Variants in SPECC1L observed in about 807,000 individuals in gnomAD.
SPECC1L encodes the protein cytospin-A.
Under a neutral mutation model 116.8 loss-of-function variants are expected in SPECC1L, and 40 were observed. That is an observed-to-expected ratio of 0.34 (90% CI 0.27 to 0.45). The LOEUF (loss-of-function observed/expected upper bound fraction) is 0.45, where lower values mean the gene tolerates loss of function less well. SPECC1L is among the 20% of genes least tolerant of loss of function. The pLI is 1.00. For synonymous variants in SPECC1L, 504 were observed against 500.6 expected (o/e 1.01, Z -0.09); for missense variants, 1,110 against 1,373.6 (o/e 0.81, Z 3.03).
intron 14 of SPECC1L, among the ~76,000 whole-genome samples, chr22:24,410,220 G>C (rs1438802287): frequency 1.3e-5 from 2 of 152,176 alleles, no homozygotes; most frequent in South Asian, 2.1e-4. Context: ...TGTAATGGCT[G>C]TTCACAGGCA....
At chr22:24,308,464 G>T (rs1006750537) in intron 3 of SPECC1L, among the ~76,000 whole-genome samples, 2 of 152,192 alleles carry the variant, frequency 1.3e-5, no homozygotes, top group African/African-American at 4.8e-5. Context: ...CTTGTGATAA[G>T]ATTTGGGTTA....
At chr22:24,389,374 C>A (rs544891706) in intron 14 of SPECC1L, among the ~76,000 whole-genome samples, 348 of 152,222 alleles carry the variant, frequency 2.3e-3, no homozygotes, top group Non-Finnish European at 4.1e-3. Flanking sequence ...CTCAACCCCC[C>A]AAAGTGCTGA....
chr22:24,328,868 C>T lies in SPECC1L; in HGVS notation c.2169C>T (p.Asp723=). The T allele has an allele frequency of 6.8e-6, 11 of 1,613,500 alleles. No individual in the cohort carries two copies. Among genetic ancestry groups the T allele is most frequent in the Non-Finnish European group, 9.3e-6 (11 of 1,179,624 alleles). Residue 723 remains aspartate, a synonymous_variant, in exon 7 of 17, where the codon GAC becomes GAT. Coordinates refer to ENST00000314328, the MANE Select transcript of SPECC1L (RefSeq NM_015330.6). ...CAGATACAGTTAAAAAACTCCAGGA[C>T]CAAAAGCACGACATGGAAAGAGAAA... is the stretch of plus-strand genomic sequence containing the variant. ...DLENTVKKLQ[D]QKHDMEREIK...
chr22:24,381,610 C>T (rs768072711), intron 14 of SPECC1L, among the ~76,000 whole-genome samples: 3 of 151,994 alleles, frequency 2.0e-5, no homozygotes, highest in Admixed American at 6.6e-5. Context: ...ATTGCCGGGG[C>T]GTGGTGGCTC....
intron 11 of SPECC1L, among the ~76,000 whole-genome samples, chr22:24,362,878 G>T (rs145889162): frequency 0.011 from 1,646 of 152,262 alleles, 27 homozygotes; most frequent in African/African-American, 0.036. Context: ...ATATTAATGT[G>T]TGTAGCTTCC....
intron 2 of SPECC1L, among the ~76,000 whole-genome samples, chr22:24,299,031 C>G (rs1342739590): frequency 6.6e-6 from 1 of 152,182 alleles, no homozygotes; most frequent in African/African-American, 2.4e-5. Context: ...GCCAAAATGA[C>G]ATACCCAAAT....
At chr22:24,309,787 G>A (rs1233504833) in intron 3 of SPECC1L, among the ~76,000 whole-genome samples, 1 of 152,136 alleles carries the variant, frequency 6.6e-6, no homozygotes, top group African/African-American at 2.4e-5. Context: ...AAATACTTGG[G>A]TTGTGTTGTT....
intron 2 of SPECC1L, among the ~76,000 whole-genome samples, chr22:24,300,671 T>C (rs186338745): frequency 1.3e-5 from 2 of 152,222 alleles, no homozygotes; most frequent in African/African-American, 4.8e-5. Context: ...CAATTCTGAC[T>C]GGCATGAGAT....
intron 14 of SPECC1L, among the ~76,000 whole-genome samples, chr22:24,405,955 G>T (rs989996083): frequency 1.3e-5 from 2 of 152,174 alleles, no homozygotes; most frequent in Admixed American, 1.3e-4. Context: ...AGCCAGGGTA[G>T]TGTGCCCAGG....
At chr22:24,314,783 C>T (rs1401291377) in intron 4 of SPECC1L, among the ~76,000 whole-genome samples, 1 of 152,180 alleles carries the variant, frequency 6.6e-6, no homozygotes, top group African/African-American at 2.4e-5. Context: ...ACAAAACAAC[C>T]AAAATACAAG....
Position 24,322,034 on chromosome 22 carries a change from G to T in SPECC1L, c.1054G>T (p.Val352Phe). 6.2e-7 allele frequency: 1 copy of T among 1,614,176 alleles called. No homozygotes were observed. The highest frequency in any genetic ancestry group is 8.5e-7 in the Non-Finnish European group (1 of 1,180,032). ...CAATTTAGACAGTGAGTGCAGTGAG[G>T]TCTACCAGCCCCTCACATCGAGCGA... ...MDNLDSECSE[V>F]YQPLTSSDDA... Residue 352 changes from valine to phenylalanine, a missense_variant, in exon 5 of 17, where the codon GTC becomes TTC. By Grantham distance (50) the Val-to-Phe change is conservative. Around this residue, in one of 4 missense-constraint regions of SPECC1L, gnomAD observed 437 missense variants for 482.6 expected, o/e 0.91. Coordinates refer to ENST00000314328, the MANE Select transcript of SPECC1L (RefSeq NM_015330.6).
At chr22:24,312,989 T>C (rs1369870721) in intron 3 of SPECC1L, among the ~76,000 whole-genome samples, 2 of 152,372 alleles carry the variant, frequency 1.3e-5, no homozygotes, top group East Asian at 3.9e-4. Context: ...TGACACTTCC[T>C]GTGGCATTAT....
chr22:24,353,447 G>A (rs539559853), intron 11 of SPECC1L, among the ~76,000 whole-genome samples: 2 of 151,896 alleles, frequency 1.3e-5, no homozygotes, highest in African/African-American at 2.4e-5. Context: ...TTGTTTGTTT[G>A]TTTTGTTTTT....
intron 1 of SPECC1L, among the ~76,000 whole-genome samples, chr22:24,272,343 C>T (rs1462342551): frequency 6.6e-6 from 1 of 152,008 alleles, no homozygotes; most frequent in African/African-American, 2.4e-5. Flanking sequence ...CCAGCCTGGG[C>T]TACAGAGCGA....
intron 2 of SPECC1L, among the ~76,000 whole-genome samples, chr22:24,288,225 T>C (rs2049081794): frequency 6.6e-6 from 1 of 152,202 alleles, no homozygotes; most frequent in Non-Finnish European, 1.5e-5. Context: ...TTTCCCAGCC[T>C]TGACTGTATT....
chr22:24,332,545 T>C (rs1237351841), intron 8 of SPECC1L, among the ~76,000 whole-genome samples: 2 of 152,226 alleles, frequency 1.3e-5, no homozygotes, highest in African/African-American at 4.8e-5. Context: ...AAAAGGCCTA[T>C]TAAAATCTTC....
chr22:24,272,592 A>G (rs544043207), intron 1 of SPECC1L, among the ~76,000 whole-genome samples: 34 of 149,884 alleles, frequency 2.3e-4, no homozygotes, highest in African/African-American at 6.9e-4. Context: ...AGAATTGCTT[A>G]GGAGGCAGAG....
At chr22:24,402,684 G>A (rs1287636237) in intron 14 of SPECC1L, among the ~76,000 whole-genome samples, 1 of 152,204 alleles carries the variant, frequency 6.6e-6, no homozygotes, top group Non-Finnish European at 1.5e-5. Context: ...AGACAGGCAT[G>A]AGGAAGTGGA....
chr22:24,390,852 C>CTTTTTTTTTT (rs60006066), intron 14 of SPECC1L, among the ~76,000 whole-genome samples: 9 of 48,542 alleles, frequency 1.9e-4, no homozygotes, highest in African/African-American at 2.4e-4. Context: ...GCCTGTGTTC[C>CTTTTTTTTTT]TTTTTTTTTT....
Sources: allele counts gnomAD v4.1 joint callset (sites outside exome capture counted in the v4.1 genomes callset), GRCh38; gene constraint gnomAD v4.1.1; regional missense constraint gnomAD v4.1.1; transcripts MANE v1.5; gene names NCBI Gene and HGNC (gene_info 2026-07-23, HGNC 2026-07-21).